ODR4: variants seen among roughly 807,000 people sequenced by gnomAD.
ODR4 encodes the protein protein odr-4 homolog.
A neutral mutation model predicts 60.2 loss-of-function variants in ODR4; 47 were observed. The observed-to-expected ratio is 0.78, with a 90% CI of 0.62 to 1.00. The LOEUF (loss-of-function observed/expected upper bound fraction) is 1.00, where lower values mean the gene tolerates loss of function less well. Ranked by LOEUF, ODR4 falls within the 50% of genes least tolerant of loss-of-function variation. The pLI is 0.00. For synonymous variants in ODR4, 178 were observed against 175.5 expected (o/e 1.01, Z -0.11); for missense variants, 488 against 530.8 (o/e 0.92, Z 0.79).
intron 1 of ODR4, among the ~76,000 whole-genome samples, chr1:186,376,487 T>C (rs1659772156): frequency 6.6e-6 from 1 of 152,238 alleles, no homozygotes. Flanking sequence ...GTCGTCTCTC[T>C]GCAGTTCCCA....
rs60229243 is a variant in ODR4, at chr1:186,383,678, G to GATATATATATATATATATATAT, written c.234+542_234+543insATATATATATATATATATATAT. On this transcript the variant is annotated intron_variant, in intron 3 of 13. Transcript: ENST00000287859. ...ACTCAAACGTGTTTCTGTGTATGTA[G>GATATATATATATATATATATAT]ATATATATATATATATATATGGACA... Among the ~76,000 whole-genome samples the GATATATATATATATATATATAT allele has an allele frequency of 4.6e-3, 642 of 140,608 alleles. 3 individuals are homozygous for GATATATATATATATATATATAT. The highest frequency in any genetic ancestry group is 6.5e-3 in the Non-Finnish European group (413 of 64,004). 92.2% of individuals were successfully genotyped at this position (140,608 alleles called of 152,430 possible). A position where few individuals can be genotyped will look rare whatever the true frequency, so the allele number is the denominator to read the frequency against.
downstream of ODR4, among the ~76,000 whole-genome samples, chr1:186,423,530 C>G (rs933056292): frequency 1.4e-5 from 2 of 142,016 alleles, no homozygotes; most frequent in South Asian, 2.4e-4. Flanking sequence ...TCTCGGCTCA[C>G]TGCGGTCTCC....
chr1:186,378,365 T>A (rs1258392040), intron 1 of ODR4, among the ~76,000 whole-genome samples: 1 of 152,230 alleles, frequency 6.6e-6, no homozygotes, highest in East Asian at 1.9e-4. Context: ...AGTCTCTGTT[T>A]GTTTTATAGC....
At chr1:186,388,969 T>TA (rs1660355196) in intron 5 of ODR4, among the ~76,000 whole-genome samples, 1 of 152,144 alleles carries the variant, frequency 6.6e-6, no homozygotes, top group Non-Finnish European at 1.5e-5. Flanking sequence ...GTATAGGACA[T>TA]CGGAGAAATT....
chr1:186,401,223 C>G, intron 11 of ODR4: 2 of 1,495,122 alleles, frequency 1.3e-6, no homozygotes, highest in Non-Finnish European at 1.8e-6. Context: ...TGGCCCCTAA[C>G]AGCAGTTGTA....
At chr1:186,401,486 C>T (rs921387759) in intron 11 of ODR4, 68 of 184,994 alleles carry the variant, frequency 3.7e-4, no homozygotes, top group African/African-American at 1.4e-3. Context: ...CTTTCTTTCT[C>T]TCTTTCTTTC....
Position 186,375,920 on chromosome 1 carries a change from G to T in ODR4, c.-74G>T. 1 of 213,516 alleles carries T rather than the reference G, an allele frequency of 4.7e-6. No individual in the cohort carries two copies. The highest frequency in any genetic ancestry group is 1.0e-5 in the Non-Finnish European group (1 of 96,976). 13.2% of individuals were successfully genotyped at this position (213,516 alleles called of 1,614,324 possible). On this transcript the variant is annotated 5_prime_UTR_variant, in exon 1 of 14. Coordinates refer to ENST00000287859, the MANE Select transcript of ODR4 (RefSeq NM_017847.6). The stretch of plus-strand genomic sequence containing the variant: ...ACTTGGGCCCGAAACCCCCATCTCC[G>T]GCGGAGAGACCGTCCGAGGTAATTG...
chr1:186,411,439 A>G (rs1661379159), intron 12 of ODR4, among the ~76,000 whole-genome samples: 1 of 152,148 alleles, frequency 6.6e-6, no homozygotes, highest in African/African-American at 2.4e-5. Flanking sequence ...TGCTTTTGCA[A>G]ATAAATAAAA....
intron 12 of ODR4, among the ~76,000 whole-genome samples, chr1:186,410,225 A>C (rs1002449753): frequency 5.3e-5 from 8 of 152,182 alleles, no homozygotes. Flanking sequence ...AAGGTTTTTA[A>C]GATTTGTGTA....
chr1:186,383,227 G>C, intron 3 of ODR4, 71 bp downstream of exon 3: 4 of 1,457,536 alleles, frequency 2.7e-6, no homozygotes, highest in Non-Finnish European at 3.7e-6. Flanking sequence ...AAGATTTAGT[G>C]AATGAGTAGA....
chr1:186,411,967 A>G lies in ODR4; in HGVS notation c.1187-5577A>G, dbSNP rs191771687. The G allele has an allele frequency of 2.0e-3, 655 of 325,656 alleles. 5 individuals are homozygous for G. The highest frequency in any genetic ancestry group is 4.5e-3 in the South Asian group (37 of 8,156). The allele number at this position is 325,656 out of a possible 1,614,324, so 20.2% of individuals were successfully genotyped here. On this transcript the variant is annotated intron_variant, in intron 12 of 13. Transcript: ENST00000287859. The stretch of plus-strand genomic sequence containing the variant: ...ATATTACACATTTTTCTAATATTGT[A>G]TAATGTATTGAAGATACTTCAGTAT...
chr1:186,389,333 C>T (rs1660367722), intron 5 of ODR4, among the ~76,000 whole-genome samples: 1 of 151,804 alleles, frequency 6.6e-6, no homozygotes, highest in Non-Finnish European at 1.5e-5. Context: ...TTGCAATTAG[C>T]GGGATTCATA....
chr1:186,425,517 CT>C (rs2102111272), downstream of ODR4, among the ~76,000 whole-genome samples: 1 of 152,246 alleles, frequency 6.6e-6, no homozygotes, highest in African/African-American at 2.4e-5. Flanking sequence ...CTGAGTCATT[CT>C]TTTCCATGAC....
At position 186,404,293 on chromosome 1, in the gene ODR4, C is replaced by G. The variant is rs1330531304; in HGVS notation, c.1001-1790C>G. ...ATTTAAACCTCAGACCAACAGAAAA[C>G]GAGTCTTACTTAGATACTAAATTGC... On this transcript the variant is annotated intron_variant, in intron 11 of 13. Coordinates refer to ENST00000287859, the MANE Select transcript of ODR4 (RefSeq NM_017847.6). Among the ~76,000 whole-genome samples the G allele has an allele frequency of 2.0e-5, 3 of 152,106 alleles. No individual in the cohort carries two copies. In the South Asian group the frequency reaches 6.2e-4, roughly 31 times the overall value.
chr1:186,407,913 A>AT (rs927148086), intron 12 of ODR4, among the ~76,000 whole-genome samples: 59 of 151,890 alleles, frequency 3.9e-4, no homozygotes, highest in South Asian at 6.2e-4. Context: ...TAATTGTATG[A>AT]TTTTTTTTCT....
At chr1:186,391,920 AG>A in intron 8 of ODR4, 129 bp downstream of exon 8, 4 of 634,492 alleles carry the variant, frequency 6.3e-6, no homozygotes, top group Non-Finnish European at 1.1e-5. Flanking sequence ...TCTGATTTAA[AG>A]TAAAAGGCAA....
chr1:186,434,657 A>G, the ODR4 span, among the ~76,000 whole-genome samples: 197 of 152,322 alleles, frequency 1.3e-3, no homozygotes, highest in African/African-American at 4.6e-3. Flanking sequence ...ATTGGCAAAA[A>G]TGACATCTTT....
chr1:186,381,213 TAAAA>T (rs1315446163), intron 2 of ODR4, among the ~76,000 whole-genome samples: 1 of 152,224 alleles, frequency 6.6e-6, no homozygotes, highest in Non-Finnish European at 1.5e-5. Flanking sequence ...TCAGTAGAGA[TAAAA>T]AGTCAGGGAG....
At chr1:186,381,573 T>G (rs58392453) in intron 2 of ODR4, among the ~76,000 whole-genome samples, 1 of 152,134 alleles carries the variant, frequency 6.6e-6, no homozygotes, top group Non-Finnish European at 1.5e-5. Context: ...GTGATCCGCC[T>G]GCCTCGGCCT....
Sources: gnomAD v4.1 joint callset for allele counts (sites outside exome capture counted in the v4.1 genomes callset) on GRCh38, gnomAD v4.1.1 for gene constraint, MANE v1.5 for transcripts, NCBI Gene and HGNC (gene_info 2026-07-23, HGNC 2026-07-21) for gene names.